CLSTN2: variants seen among roughly 807,000 people sequenced by gnomAD.
CLSTN2 encodes calsyntenin-2.
Under a neutral mutation model 101.2 loss-of-function variants are expected in CLSTN2, and 48 were observed. The observed-to-expected ratio is 0.47, with a 90% CI of 0.38 to 0.60. CLSTN2 has a LOEUF of 0.60. Among genes scored for constraint, CLSTN2 ranks in the 20% least tolerant of loss-of-function variants. The probability of loss-of-function intolerance (pLI) is 0.00; values close to 1 mark genes in which losing one functional copy is unlikely to be tolerated. For synonymous variants in CLSTN2, 481 were observed against 463.6 expected (o/e 1.04, Z -0.48); for missense variants, 1,160 against 1,238.2 (o/e 0.94, Z 0.95).
intron 2 of CLSTN2, among the ~76,000 whole-genome samples, chr3:140,346,985 C>T (rs2087554809): frequency 6.6e-6 from 1 of 152,182 alleles, no homozygotes; most frequent in Admixed American, 6.5e-5. Flanking sequence ...ATAGTAAATA[C>T]TGAAAGAATG....
chr3:140,556,978 C>A (rs1393444891), intron 11 of CLSTN2: 1 of 277,536 alleles, frequency 3.6e-6, no homozygotes, highest in African/African-American at 2.2e-5. Context: ...TTGAAGTGTT[C>A]TGATTTAAGG....
intron 1 of CLSTN2, among the ~76,000 whole-genome samples, chr3:140,175,435 G>A (rs1361370672): frequency 6.6e-6 from 1 of 152,082 alleles, no homozygotes; most frequent in East Asian, 1.9e-4. Context: ...ACATATGTGT[G>A]TGTATACATG....
intron 2 of CLSTN2, among the ~76,000 whole-genome samples, chr3:140,393,545 C>T (rs1021651839): frequency 1.3e-5 from 2 of 152,222 alleles, no homozygotes; most frequent in Admixed American, 6.5e-5. Context: ...TGGCTGCTTA[C>T]AGAGATGTTG....
intron 4 of CLSTN2, among the ~76,000 whole-genome samples, chr3:140,416,012 A>G (rs1031705928): frequency 1.2e-4 from 19 of 152,214 alleles, no homozygotes; most frequent in Admixed American, 2.6e-4. Flanking sequence ...ATACAATGGA[A>G]TATTACTCAG....
intron 2 of CLSTN2, among the ~76,000 whole-genome samples, chr3:140,321,948 C>A (rs1362052729): frequency 1.3e-5 from 2 of 152,218 alleles, no homozygotes; most frequent in Admixed American, 1.3e-4. Context: ...TGGACCAGAG[C>A]ATCCTCAGCT....
At chr3:139,960,646 A>G (rs932654933) in intron 1 of CLSTN2, among the ~76,000 whole-genome samples, 9 of 152,226 alleles carry the variant, frequency 5.9e-5, no homozygotes, top group African/African-American at 1.9e-4. Context: ...TAAGCATTCA[A>G]TCATTTCATG....
chr3:140,208,171 G>C (rs555268514), intron 2 of CLSTN2, among the ~76,000 whole-genome samples: 2 of 151,948 alleles, frequency 1.3e-5, no homozygotes, highest in Admixed American at 6.6e-5. Context: ...CAAAAACAAA[G>C]GTTCTCCAAC....
chr3:140,286,076 G>T (rs1454065504), intron 2 of CLSTN2, among the ~76,000 whole-genome samples: 1 of 152,104 alleles, frequency 6.6e-6, no homozygotes, highest in Non-Finnish European at 1.5e-5. Flanking sequence ...AATAGCAGAG[G>T]GTCCAGATGG....
chr3:140,034,632 C>T (rs2007620943), intron 1 of CLSTN2, among the ~76,000 whole-genome samples: 1 of 152,190 alleles, frequency 6.6e-6, no homozygotes, highest in Non-Finnish European at 1.5e-5. Context: ...GCATCTTCTT[C>T]AGTTGGAATT....
At chr3:140,258,840 G>A (rs115977573) in intron 2 of CLSTN2, among the ~76,000 whole-genome samples, 2 of 152,286 alleles carry the variant, frequency 1.3e-5, no homozygotes, top group African/African-American at 4.8e-5. Context: ...ATGACAGGGT[G>A]TACTTAAAAA....
chr3:140,063,159 G>C (rs1233794935), intron 1 of CLSTN2, among the ~76,000 whole-genome samples: 1 of 152,154 alleles, frequency 6.6e-6, no homozygotes, highest in African/African-American at 2.4e-5. Flanking sequence ...CAATGTTCTA[G>C]ATCCACAGCT....
At chr3:140,120,647 A>G (rs1438573467) in intron 1 of CLSTN2, among the ~76,000 whole-genome samples, 1 of 152,210 alleles carries the variant, frequency 6.6e-6, no homozygotes, top group East Asian at 1.9e-4. Flanking sequence ...GACAAAAGAC[A>G]CACAAAACAT....
rs113552764 is a variant in CLSTN2, at chr3:140,574,870, ATG to A, written c.*8618_*8619del. 14,720 of 152,248 alleles carry A rather than the reference ATG, an allele frequency of 0.097. 776 individuals carry two copies. The highest frequency in any genetic ancestry group is 0.12 in the Non-Finnish European group (8,070 of 68,024). The allele number at this position is 152,248 out of a possible 1,614,324, so 9.4% of individuals were successfully genotyped here. On this transcript the variant is annotated 3_prime_UTR_variant, in exon 17 of 17. Coordinates refer to ENST00000458420, the MANE Select transcript of CLSTN2 (RefSeq NM_022131.3). ...CTCTGCAGAGAAGGCAGGCAAAGGG[ATG>A]AGGAGGTAGCATCTCCTCTTCAGAA... is the stretch of plus-strand genomic sequence containing the variant.
intron 2 of CLSTN2, among the ~76,000 whole-genome samples, chr3:140,357,078 T>C (rs2087678721): frequency 1.3e-5 from 2 of 152,160 alleles, no homozygotes; most frequent in Non-Finnish European, 2.9e-5. Flanking sequence ...AACTCAACCA[T>C]GTAACCATTG....
chr3:139,956,295 A>G (rs1228076659), intron 1 of CLSTN2, among the ~76,000 whole-genome samples: 2 of 152,128 alleles, frequency 1.3e-5, no homozygotes, highest in Non-Finnish European at 2.9e-5. Context: ...CTCTAACTCT[A>G]CTTTGTACTC....
At chr3:140,379,313 G>A (rs1280641340) in intron 2 of CLSTN2, among the ~76,000 whole-genome samples, 1 of 152,176 alleles carries the variant, frequency 6.6e-6, no homozygotes, top group African/African-American at 2.4e-5. Context: ...TGAGAGGGAT[G>A]TACACCCAGA....
rs138268560 is a variant in CLSTN2, at chr3:140,413,671, A to C, written c.638-7454A>C. Among the ~76,000 whole-genome samples the C allele has an allele frequency of 4.6e-5, 7 of 152,286 alleles. No homozygotes were observed. The East Asian group carries it at 1.3e-3, about 29-fold the overall frequency. On this transcript the variant is annotated intron_variant, in intron 4 of 16. Coordinates refer to ENST00000458420, the MANE Select transcript of CLSTN2 (RefSeq NM_022131.3). Reference sequence around the variant, plus strand: ...GTCCTCAACAAAATACTAGCAAACCAAATTCAACAGCACATTAAAAGGATC... The same window carrying C: ...GTCCTCAACAAAATACTAGCAAACCCAATTCAACAGCACATTAAAAGGATC...
chr3:140,421,298 T>C lies in CLSTN2; in HGVS notation c.787+24T>C, dbSNP rs115916379. 3.0e-3 allele frequency: 4,885 copies of C among 1,613,616 alleles called. 184 individuals are homozygous for C. In the Admixed American group the frequency reaches 0.055, roughly 18 times the overall value. On this transcript the variant is annotated intron_variant, in intron 5 of 16. Coordinates refer to ENST00000458420, the MANE Select transcript of CLSTN2 (RefSeq NM_022131.3). The stretch of plus-strand genomic sequence containing the variant: ...AGGTGGGCCTGTTTTATCAGTCTTG[T>C]GTGAAGGCAGCATGGTCTGATGTAT...
chr3:140,403,893 G>A (rs1281236373), intron 3 of CLSTN2, 69 bp downstream of exon 3: 2 of 1,264,842 alleles, frequency 1.6e-6, no homozygotes, highest in Admixed American at 4.0e-5. Context: ...TTCACATGCT[G>A]CTCTTCAGAT....
Sources: allele counts gnomAD v4.1 joint callset (sites outside exome capture counted in the v4.1 genomes callset), GRCh38; gene constraint gnomAD v4.1.1; transcripts MANE v1.5; gene names NCBI Gene and HGNC (gene_info 2026-07-23, HGNC 2026-07-21).